Variants in TMEM132D observed in about 807,000 individuals in gnomAD.
The protein encoded by TMEM132D is transmembrane protein 132D.
TMEM132D carries 21 observed loss-of-function variants against 62.3 expected under a neutral mutation model. The observed-to-expected ratio is 0.34, with a 90% CI of 0.24 to 0.49. The LOEUF is 0.49. TMEM132D is among the 20% of genes least tolerant of loss of function. The probability of loss-of-function intolerance (pLI) is 0.99; values close to 1 mark genes in which losing one functional copy is unlikely to be tolerated. For missense variants in TMEM132D, 1,346 were observed against 1,402.8 expected (o/e 0.96, Z 0.65); for synonymous variants, 621 against 575.6 (o/e 1.08, Z -1.13).
intron 5 of TMEM132D, among the ~76,000 whole-genome samples, chr12:129,105,258 T>C (rs79253516): frequency 1.4e-5 from 2 of 143,698 alleles, no homozygotes; most frequent in African/African-American, 2.7e-5. Context: ...ATGGATGAAA[T>C]TGGAAATCAT....
At chr12:129,097,245 C>T (rs74373188) in intron 5 of TMEM132D, among the ~76,000 whole-genome samples, 2,349 of 152,304 alleles carry the variant, frequency 0.015, 62 homozygotes, top group African/African-American at 0.053. Flanking sequence ...ACAGTGTCTC[C>T]GGACATTGCT....
At chr12:129,094,425 GA>G (rs1296444776) in intron 5 of TMEM132D, among the ~76,000 whole-genome samples, 1 of 152,154 alleles carries the variant, frequency 6.6e-6, no homozygotes, top group Non-Finnish European at 1.5e-5. Context: ...AAAGACACAT[GA>G]AAAAATGCTC....
chr12:129,507,458 C>G (rs1875368462), intron 3 of TMEM132D, among the ~76,000 whole-genome samples: 1 of 152,176 alleles, frequency 6.6e-6, no homozygotes, highest in African/African-American at 2.4e-5. Context: ...GTGGAACCAA[C>G]CCAAATGATC....
chr12:129,321,980 T>C (rs1017109945), intron 4 of TMEM132D, among the ~76,000 whole-genome samples: 1 of 152,158 alleles, frequency 6.6e-6, no homozygotes, highest in African/African-American at 2.4e-5. Context: ...ACTAGTATAG[T>C]TCCATGCTTA....
chr12:129,658,000 TC>T (rs1195301688), intron 2 of TMEM132D, among the ~76,000 whole-genome samples: 4 of 152,194 alleles, frequency 2.6e-5, no homozygotes, highest in African/African-American at 9.6e-5. Context: ...GAACTTATCT[TC>T]CAGCAGCTTG....
At chr12:129,529,436 A>C (rs1054913177) in intron 3 of TMEM132D, among the ~76,000 whole-genome samples, 5 of 152,238 alleles carry the variant, frequency 3.3e-5, no homozygotes, top group Admixed American at 6.5e-5. Flanking sequence ...AGGAGCCACC[A>C]TTGGGCCCCC....
chr12:129,111,827 G>C (rs1299027305), intron 5 of TMEM132D, among the ~76,000 whole-genome samples: 1 of 152,110 alleles, frequency 6.6e-6, no homozygotes. Flanking sequence ...TCCAAAACGT[G>C]CATTTCGAAC....
rs139805411 is a variant in TMEM132D at position 129,626,386 on chromosome 12, C to T, written c.968+73424G>A. 1.4e-3 allele frequency among the ~76,000 whole-genome samples: 217 copies of T among 152,242 alleles called. 1 individual carries two copies. Among genetic ancestry groups the T allele is most frequent in the Middle Eastern group, 6.8e-3 (2 of 294 alleles). On this transcript the variant is annotated intron_variant, in intron 2 of 8. Transcript: ENST00000422113. Reference sequence around the variant, plus strand: ...AGTTTTAGACTATTTTGGAAGAAAACATCAACATTCAACAGGCTTGTGTGT... The same window carrying T: ...AGTTTTAGACTATTTTGGAAGAAAATATCAACATTCAACAGGCTTGTGTGT...
At chr12:129,646,550 T>A (rs1017323616) in intron 2 of TMEM132D, among the ~76,000 whole-genome samples, 5 of 152,104 alleles carry the variant, frequency 3.3e-5, no homozygotes, top group African/African-American at 1.2e-4. Context: ...ATAATGAACA[T>A]TCATGTCCCC....
At chr12:129,466,783 T>C (rs1873921988) in intron 3 of TMEM132D, among the ~76,000 whole-genome samples, 1 of 152,214 alleles carries the variant, frequency 6.6e-6, no homozygotes, top group African/African-American at 2.4e-5. Context: ...TCCTTAGGCT[T>C]GAATGCTCTT....
At chr12:129,518,554 TGTGTATATATATACACACA>T (rs1182760729) in intron 3 of TMEM132D, among the ~76,000 whole-genome samples, 1 of 88,380 alleles carries the variant, frequency 1.1e-5, no homozygotes, top group Non-Finnish European at 3.2e-5. Flanking sequence ...CGTGTGTGTG[TGTGTATATATATACACACA>T]CACACACATA....
chr12:129,635,136 C>A (rs1251183698), intron 2 of TMEM132D, among the ~76,000 whole-genome samples: 1 of 152,204 alleles, frequency 6.6e-6, no homozygotes, highest in Non-Finnish European at 1.5e-5. Flanking sequence ...AATGTAACAG[C>A]CTCACCTTCC....
intron 4 of TMEM132D, among the ~76,000 whole-genome samples, chr12:129,219,053 C>T (rs1458104366): frequency 1.3e-5 from 2 of 152,130 alleles, no homozygotes; most frequent in African/African-American, 4.8e-5. Context: ...TCAGAAAAAC[C>T]CTGGAGCAAA....
At chr12:129,341,309 T>C (rs995787322) in intron 3 of TMEM132D, among the ~76,000 whole-genome samples, 19 of 152,362 alleles carry the variant, frequency 1.2e-4, no homozygotes, top group Non-Finnish European at 2.5e-4. Flanking sequence ...TCTGATGTAT[T>C]GTAGGAGATA....
chr12:129,776,287 C>A (rs10847945), intron 1 of TMEM132D, among the ~76,000 whole-genome samples: 21,682 of 152,100 alleles, frequency 0.14, 1,923 homozygotes, highest in East Asian at 0.41. Flanking sequence ...GTAAACACTG[C>A]CCCTGTATGT....
chr12:129,129,708 T>C (rs927368552), intron 5 of TMEM132D, among the ~76,000 whole-genome samples: 2 of 152,182 alleles, frequency 1.3e-5, no homozygotes, highest in African/African-American at 2.4e-5. Flanking sequence ...TGAAATCTCA[T>C]TGTGGCTTTG....
At chr12:129,136,759 T>TCATCACCATCATCAC (rs879889386) in intron 5 of TMEM132D, among the ~76,000 whole-genome samples, 5 of 139,832 alleles carry the variant, frequency 3.6e-5, no homozygotes, top group African/African-American at 1.1e-4. Flanking sequence ...ACCTCCACCA[T>TCATCACCATCATCAC]CATCACCATC....
chr12:129,432,667 C>G (rs2135717215), intron 3 of TMEM132D, among the ~76,000 whole-genome samples: 1 of 152,306 alleles, frequency 6.6e-6, no homozygotes. Context: ...GGGCCACCTC[C>G]TTTTAATTAA....
At chr12:129,373,372 C>A (rs989509929) in intron 3 of TMEM132D, among the ~76,000 whole-genome samples, 2 of 152,166 alleles carry the variant, frequency 1.3e-5, no homozygotes, top group Non-Finnish European at 2.9e-5. Flanking sequence ...GTGGCTCACG[C>A]CTGTAGTCCC....
Sources: gnomAD v4.1 joint callset for allele counts (sites outside exome capture counted in the v4.1 genomes callset) on GRCh38, gnomAD v4.1.1 for gene constraint, MANE v1.5 for transcripts, NCBI Gene and HGNC (gene_info 2026-07-23, HGNC 2026-07-21) for gene names.